XPNPEP3: variants seen among roughly 807,000 people sequenced by gnomAD.
XPNPEP3 encodes X-prolyl aminopeptidase 3, also known as xaa-Pro aminopeptidase 3.
XPNPEP3 carries 41 observed loss-of-function variants against 60.0 expected under a neutral mutation model. The observed-to-expected ratio is 0.68, with a 90% CI of 0.53 to 0.89. XPNPEP3 has a LOEUF of 0.89. Among genes scored for constraint, XPNPEP3 ranks in the 40% least tolerant of loss-of-function variants. The pLI, the probability that XPNPEP3 is intolerant of heterozygous loss-of-function variation, is 0.00. For synonymous variants in XPNPEP3, 212 were observed against 223.2 expected, an observed-to-expected ratio of 0.95 and a Z score of 0.45; for missense variants, 598 against 638.9, an observed-to-expected ratio of 0.94 and a Z score of 0.69.
intron 4 of XPNPEP3, among the ~76,000 whole-genome samples, chr22:40,890,484 A>G (rs2058084443): frequency 6.6e-6 from 1 of 152,194 alleles, no homozygotes; most frequent in African/African-American, 2.4e-5. Flanking sequence ...AGCTGCGATG[A>G]GATGTGATCG....
intron 4 of XPNPEP3, among the ~76,000 whole-genome samples, chr22:40,886,947 C>G (rs969444102): frequency 2.0e-5 from 3 of 152,090 alleles, no homozygotes; most frequent in African/African-American, 7.2e-5. Flanking sequence ...CATCTAGCTT[C>G]TGCTCCAGTG....
chr22:40,876,896 A>G (rs182867115), intron 2 of XPNPEP3, among the ~76,000 whole-genome samples: 39 of 152,342 alleles, frequency 2.6e-4, no homozygotes, highest in Non-Finnish European at 5.0e-4. Flanking sequence ...GGTAAAATTT[A>G]TATGCAGCGA....
chr22:40,882,050 T>G lies in XPNPEP3; in HGVS notation c.462T>G (p.Pro154=), dbSNP rs146490028. Residue 154 remains proline (P), a synonymous_variant, in exon 3 of 10, where the codon CCT becomes CCG. Transcript: ENST00000357137. ...LPSHKAILFV[P]RRDPSRELWD... ...CACACAAAGCCATACTTTTTGTGCC[T>G]CGGCGAGATCCCAGTCGAGAACTTT... The G allele has an allele frequency of 1.1e-5, 17 of 1,614,032 alleles. No individual in the cohort carries two copies. The African/African-American group carries it at 1.9e-4, about 18-fold the overall frequency.
At chr22:40,879,648 C>G (rs1336343661) in intron 2 of XPNPEP3, among the ~76,000 whole-genome samples, 1 of 151,916 alleles carries the variant, frequency 6.6e-6, no homozygotes, top group Admixed American at 6.6e-5. Context: ...TCGAAACCAG[C>G]CTGGACAACA....
intron 4 of XPNPEP3, among the ~76,000 whole-genome samples, chr22:40,897,809 T>A (rs1388978801): frequency 2.0e-5 from 3 of 152,158 alleles, no homozygotes; most frequent in Non-Finnish European, 1.5e-5. Flanking sequence ...CATCTCATAG[T>A]TTTTATTTGC....
At chr22:40,889,014 TTTTTGTTTTG>T (rs540777419) in intron 4 of XPNPEP3, among the ~76,000 whole-genome samples, 168 of 152,094 alleles carry the variant, frequency 1.1e-3, no homozygotes, top group Admixed American at 1.7e-3. Context: ...AATGGTTTTT[TTTTTGTTTTG>T]TTTTGTTTTG....
At chr22:40,889,923 C>T (rs1327174756) in intron 4 of XPNPEP3, among the ~76,000 whole-genome samples, 1 of 152,184 alleles carries the variant, frequency 6.6e-6, no homozygotes, top group African/African-American at 2.4e-5. Context: ...ATTACACTTT[C>T]TTGTGTTTTT....
At chr22:40,885,993 G>C (rs975430149) in intron 3 of XPNPEP3, among the ~76,000 whole-genome samples, 1 of 152,082 alleles carries the variant, frequency 6.6e-6, no homozygotes, top group African/African-American at 2.4e-5. Context: ...AAAATAAAGA[G>C]AGAGAGAAAG....
intron 1 of XPNPEP3, chr22:40,862,257 A>G (rs1601486819): frequency 6.7e-6 from 8 of 1,185,450 alleles, no homozygotes; most frequent in Non-Finnish European, 8.4e-6. Context: ...GAGCTAGTCC[A>G]GAGTCGTACC....
At chr22:40,915,050 C>CT (rs34697318) in intron 7 of XPNPEP3, among the ~76,000 whole-genome samples, 88,161 of 117,828 alleles carry the variant, frequency 0.75, 33,702 homozygotes, top group East Asian at 0.98. Flanking sequence ...CAAGTCCATT[C>CT]TTTTTTTTTT....
chr22:40,893,632 T>C (rs1159535899), intron 4 of XPNPEP3, among the ~76,000 whole-genome samples: 1 of 152,100 alleles, frequency 6.6e-6, no homozygotes, highest in South Asian at 2.1e-4. Flanking sequence ...TTTTTGTGTT[T>C]TGAGATGGAG....
intron 1 of XPNPEP3, among the ~76,000 whole-genome samples, chr22:40,863,662 C>T (rs2031215534): frequency 6.6e-6 from 1 of 152,122 alleles, no homozygotes; most frequent in African/African-American, 2.4e-5. Flanking sequence ...AATTTGCCTA[C>T]CACTGGAAAT....
chr22:40,904,605 G>T (rs1005893828), intron 4 of XPNPEP3, among the ~76,000 whole-genome samples: 4 of 151,992 alleles, frequency 2.6e-5, no homozygotes, highest in Non-Finnish European at 5.9e-5. Flanking sequence ...GGCAATAAGG[G>T]TTCAAAGCAA....
chr22:40,905,578 G>A (rs1424104558), intron 4 of XPNPEP3, among the ~76,000 whole-genome samples: 1 of 152,144 alleles, frequency 6.6e-6, no homozygotes, highest in Non-Finnish European at 1.5e-5. Flanking sequence ...ATGCTATGAA[G>A]AAAAGTGAAG....
chr22:40,913,129 A>G (rs2058182700), intron 6 of XPNPEP3, among the ~76,000 whole-genome samples: 1 of 152,172 alleles, frequency 6.6e-6, no homozygotes, highest in Admixed American at 6.6e-5. Flanking sequence ...AGTTAGAGAT[A>G]TACTTAAAGT....
chr22:40,869,151 G>T lies in XPNPEP3; in HGVS notation c.181+36G>T, dbSNP rs2057993496. ...TTAACTGTGCTATCTCCCCATTTAGGTTCTGTCTAGAGCAATGCTATGCAA... is the reference window on the plus strand; with the variant it reads ...TTAACTGTGCTATCTCCCCATTTAGTTTCTGTCTAGAGCAATGCTATGCAA... On this transcript the variant is annotated intron_variant, in intron 2 of 9. Transcript: ENST00000357137. 1.3e-5 allele frequency: 20 copies of T among 1,548,332 alleles called. No individual in the cohort carries two copies. The East Asian group carries it at 4.5e-4, about 35-fold the overall frequency.
intron 1 of XPNPEP3, chr22:40,861,665 G>T (rs1295211358): frequency 4.3e-6 from 7 of 1,614,004 alleles, no homozygotes; most frequent in Non-Finnish European, 3.4e-6. Flanking sequence ...CTTCAAAGAA[G>T]TGAAAAGAAA....
chr22:40,884,083 T>A (rs919299399), intron 3 of XPNPEP3, among the ~76,000 whole-genome samples: 1 of 152,188 alleles, frequency 6.6e-6, no homozygotes, highest in Non-Finnish European at 1.5e-5. Context: ...TAAGTTCTAA[T>A]ACATTTGATT....
In XPNPEP3 at chr22:40,930,499, A is replaced by G. The variant is rs977678374; in HGVS notation, c.*4064A>G. The G allele has an allele frequency of 5.9e-5, 9 of 152,092 alleles. No individual in the cohort carries two copies. The highest frequency in any genetic ancestry group is 1.2e-4 in the Non-Finnish European group (8 of 68,014). 9.4% of individuals were successfully genotyped at this position (152,092 alleles called of 1,614,324 possible). On this transcript the variant is annotated 3_prime_UTR_variant, in exon 10 of 10. Transcript: ENST00000357137. ...TAAATAATGATGTTTTGATACATAT[A>G]TAATGATCAGATCAGAACAATTAGC...
Sources: allele counts gnomAD v4.1 joint callset (sites outside exome capture counted in the v4.1 genomes callset), GRCh38; gene constraint gnomAD v4.1.1; transcripts MANE v1.5; gene names NCBI Gene and HGNC (gene_info 2026-07-23, HGNC 2026-07-21).